Variants in DPH6 observed in about 807,000 individuals in gnomAD.
The protein encoded by DPH6 is diphthine--ammonia ligase.
Under a neutral mutation model 38.2 loss-of-function variants are expected in DPH6, and 33 were observed. That is an observed-to-expected ratio of 0.86 (90% CI 0.65 to 1.15). The LOEUF (loss-of-function observed/expected upper bound fraction) is 1.15. Among genes scored for constraint, DPH6 ranks in the 50% most tolerant of loss-of-function variants. The probability of loss-of-function intolerance (pLI) is 0.00; values close to 1 mark genes in which losing one functional copy is unlikely to be tolerated. For synonymous variants in DPH6, 108 were observed against 103.0 expected (o/e 1.05, Z -0.30); for missense variants, 325 against 320.0 (o/e 1.02, Z -0.12).
chr15:35,492,850 A>G (rs1480642584), intron 3 of DPH6, among the ~76,000 whole-genome samples: 1 of 152,222 alleles, frequency 6.6e-6, no homozygotes, highest in Non-Finnish European at 1.5e-5. Context: ...GGTTAGCTCC[A>G]GAGTCTGGGC....
intron 3 of DPH6, among the ~76,000 whole-genome samples, chr15:35,476,617 T>C (rs1050722379): frequency 2.0e-5 from 3 of 151,738 alleles, no homozygotes; most frequent in African/African-American, 7.2e-5. Context: ...ATAGTCAATG[T>C]ACAGAAGAAA....
chr15:35,333,529 ATTAG>A (rs2052343725), intron 3 of DPH6, among the ~76,000 whole-genome samples: 2 of 152,198 alleles, frequency 1.3e-5, no homozygotes, highest in African/African-American at 4.8e-5. Flanking sequence ...AATTACATAA[ATTAG>A]TTAATACATA....
intron 5 of DPH6, among the ~76,000 whole-genome samples, chr15:35,425,664 AGTGTGTGT>A: frequency 8.0e-6 from 1 of 124,882 alleles, no homozygotes; most frequent in East Asian, 2.2e-4. Flanking sequence ...TATATATGGA[AGTGTGTGT>A]GTATGTGTGT....
intron 5 of DPH6, among the ~76,000 whole-genome samples, chr15:35,426,876 A>C (rs2141024226): frequency 6.6e-6 from 1 of 151,704 alleles, no homozygotes; most frequent in East Asian, 1.9e-4. Context: ...TAAAAAAAAA[A>C]AAACAACCTT....
At chr15:35,502,525 A>G (rs2054640600) in intron 3 of DPH6, among the ~76,000 whole-genome samples, 1 of 152,048 alleles carries the variant, frequency 6.6e-6, no homozygotes, top group South Asian at 2.1e-4. Context: ...GTAAGTAGTT[A>G]ACACTGGAGC....
chr15:35,375,624 A>G (rs2052769399), intron 7 of DPH6, among the ~76,000 whole-genome samples: 1 of 152,074 alleles, frequency 6.6e-6, no homozygotes, highest in Non-Finnish European at 1.5e-5. Context: ...TCCTTTCTCC[A>G]TTAATCAGTG....
intron 7 of DPH6, among the ~76,000 whole-genome samples, chr15:35,376,855 A>G (rs1375638448): frequency 1.3e-5 from 2 of 152,154 alleles, no homozygotes; most frequent in East Asian, 1.9e-4. Flanking sequence ...TATACCATCT[A>G]TATTTGTATA....
chr15:35,382,700 T>C (rs1180941021), intron 6 of DPH6, among the ~76,000 whole-genome samples: 1 of 152,152 alleles, frequency 6.6e-6, no homozygotes, highest in Non-Finnish European at 1.5e-5. Context: ...GTCACATACA[T>C]GTTTATTATG....
chr15:35,516,724 T>C lies in DPH6; in HGVS notation c.312+21550A>G, dbSNP rs201880759. ...CACTTTTTTGGTCTCCAGGCAATCA[T>C]TTTTTTGGTCTCACTCACTCACATG... On this transcript the variant is annotated intron_variant, in intron 3 of 8. Coordinates refer to ENST00000256538, the MANE Select transcript of DPH6 (RefSeq NM_080650.4). Among the ~76,000 whole-genome samples, 25 of 152,236 alleles carry C rather than the reference T, an allele frequency of 1.6e-4. 1 individual carries two copies. The East Asian group carries it at 3.9e-3, about 24-fold the overall frequency.
Position 35,293,315 on chromosome 15 carries a change from G to A in DPH6, n.201-72733C>T, listed in dbSNP as rs539646575. Among the ~76,000 whole-genome samples, 3 of 152,256 alleles carry A rather than the reference G, an allele frequency of 2.0e-5. No individual in the cohort carries two copies. The East Asian group carries it at 5.8e-4, about 29-fold the overall frequency. On this transcript the variant is annotated intron_variant and non_coding_transcript_variant, in intron 3 of 3. Transcript: ENST00000560386. Reference sequence around the variant, plus strand: ...TTCTCATATCTCATAATGACATTGTGCAGCTATAATGGACCTAAACCGGAA... The same window carrying A: ...TTCTCATATCTCATAATGACATTGTACAGCTATAATGGACCTAAACCGGAA...
chr15:35,154,021 A>G, the DPH6 span, among the ~76,000 whole-genome samples: 2 of 152,300 alleles, frequency 1.3e-5, no homozygotes, highest in African/African-American at 4.8e-5. Context: ...AGATCTCCAG[A>G]GAGAGGAAGG....
intron 5 of DPH6, among the ~76,000 whole-genome samples, chr15:35,423,415 G>A (rs1452403153): frequency 6.6e-6 from 1 of 151,650 alleles, no homozygotes; most frequent in African/African-American, 2.4e-5. Context: ...CTATGAAGTT[G>A]CATGAGTTCC....
At chr15:35,546,020 C>T in intron 1 of DPH6, 99 bp downstream of exon 1, 2 of 1,120,684 alleles carry the variant, frequency 1.8e-6, no homozygotes, top group Non-Finnish European at 2.3e-6. Context: ...CCCCAACGCG[C>T]GACTCAGACG....
the DPH6 span, among the ~76,000 whole-genome samples, chr15:35,148,984 T>G: frequency 6.6e-6 from 1 of 152,166 alleles, no homozygotes; most frequent in East Asian, 1.9e-4. Flanking sequence ...TGTCTCCACC[T>G]GTGCTGTGGA....
At chr15:35,307,013 CTT>C (rs2052097492) in intron 3 of DPH6, among the ~76,000 whole-genome samples, 1 of 152,010 alleles carries the variant, frequency 6.6e-6, no homozygotes, top group Non-Finnish European at 1.5e-5. Flanking sequence ...GTCTGGGCAA[CTT>C]TAGGGCTTTT....
At chr15:35,230,868 G>C (rs957452359) in intron 3 of DPH6, among the ~76,000 whole-genome samples, 2 of 152,146 alleles carry the variant, frequency 1.3e-5, no homozygotes, top group Non-Finnish European at 2.9e-5. Context: ...TGGCTGAGCT[G>C]GTATCCAAGA....
At chr15:35,469,912 G>A (rs2054176296) in intron 3 of DPH6, among the ~76,000 whole-genome samples, 1 of 152,072 alleles carries the variant, frequency 6.6e-6, no homozygotes, top group South Asian at 2.1e-4. Context: ...AAGAAAACTA[G>A]GCCAGGCATA....
chr15:35,247,862 G>A (rs948084127), intron 3 of DPH6, among the ~76,000 whole-genome samples: 2 of 152,092 alleles, frequency 1.3e-5, no homozygotes, highest in Admixed American at 6.5e-5. Context: ...AAGCAACTAG[G>A]TTTTGTTGCT....
At chr15:35,232,438 G>A (rs1219034729) in intron 3 of DPH6, among the ~76,000 whole-genome samples, 5 of 152,038 alleles carry the variant, frequency 3.3e-5, no homozygotes, top group Admixed American at 6.6e-5. Flanking sequence ...AATATAAGCC[G>A]GGTGTGATGG....
Sources: gnomAD v4.1 joint callset for allele counts (sites outside exome capture counted in the v4.1 genomes callset) on GRCh38, gnomAD v4.1.1 for gene constraint, MANE v1.5 for transcripts, NCBI Gene and HGNC (gene_info 2026-07-23, HGNC 2026-07-21) for gene names.